Variants in GDA observed in about 807,000 individuals in gnomAD.
GDA encodes the protein guanine deaminase.
GDA carries 18 observed loss-of-function variants against 59.6 expected under a neutral mutation model. The ratio of observed to expected loss-of-function variants is 0.30; its 90% confidence interval spans 0.21 to 0.45. The LOEUF is 0.45. GDA is among the 20% of genes least tolerant of loss of function. The pLI, the probability that GDA is intolerant of heterozygous loss-of-function variation, is 1.00. For missense variants in GDA, 427 were observed against 552.3 expected (o/e 0.77, Z 2.27); for synonymous variants, 201 against 201.1 (o/e 1.00, Z 0.00).
At chr9:72,223,270 A>G in intron 7 of GDA, 43 bp downstream of exon 7, 1 of 1,017,566 alleles carries the variant, frequency 9.8e-7, no homozygotes, top group Middle Eastern at 2.1e-4. Flanking sequence ...CAGACCTGCA[A>G]GATTTCTCAG....
intron 1 of GDA, among the ~76,000 whole-genome samples, chr9:72,191,469 G>A (rs1171523083): frequency 2.0e-5 from 3 of 151,522 alleles, no homozygotes; most frequent in South Asian, 2.1e-4. Flanking sequence ...GTAAAGGGAA[G>A]GCTCTTTTTT....
chr9:72,131,008 G>A (rs1826006923), intron 1 of GDA, among the ~76,000 whole-genome samples: 1 of 152,206 alleles, frequency 6.6e-6, no homozygotes, highest in Admixed American at 6.5e-5. Context: ...TCAGGCATTT[G>A]AGAAATAAGG....
intron 1 of GDA, among the ~76,000 whole-genome samples, chr9:72,151,580 A>G (rs757164132): frequency 6.6e-6 from 1 of 151,936 alleles, no homozygotes; most frequent in Non-Finnish European, 1.5e-5. Flanking sequence ...TTGAATTATT[A>G]TGATCTGTAA....
At position 72,248,948 on chromosome 9, in the gene GDA, G is replaced by A. The variant is rs939984552; in HGVS notation, c.*606G>A. The A allele has an allele frequency of 1.0e-6, 1 of 985,156 alleles. No individual in the cohort carries two copies. Among genetic ancestry groups the A allele is most frequent in the African/African-American group, 1.7e-5 (1 of 57,230 alleles). The allele number at this position is 985,156 out of a possible 1,614,324, so 61.0% of individuals were successfully genotyped here. A position where few individuals can be genotyped will look rare whatever the true frequency, so the allele number is the denominator to read the frequency against. ...GAATTTGCATTTCAGAGATGTGTTA[G>A]TGTTGTGCTTTGCCTTCTTTGGCGA... is the stretch of plus-strand genomic sequence containing the variant. On this transcript the variant is annotated 3_prime_UTR_variant, in exon 14 of 14. Coordinates refer to ENST00000358399, the MANE Select transcript of GDA (RefSeq NM_004293.5).
At chr9:72,131,465 A>T (rs1429670839) in intron 1 of GDA, among the ~76,000 whole-genome samples, 3 of 62,402 alleles carry the variant, frequency 4.8e-5, no homozygotes, top group African/African-American at 1.5e-4. Context: ...TGAGCCATTT[A>T]TGAGCATCCA....
intron 5 of GDA, among the ~76,000 whole-genome samples, chr9:72,218,230 C>A (rs1161626552): frequency 1.3e-5 from 2 of 152,162 alleles, no homozygotes; most frequent in Admixed American, 1.3e-4. Context: ...TAATTTTATT[C>A]TGTTCAACAT....
Position 72,248,968 on chromosome 9 carries a change from T to C in GDA, c.*626T>C. The C allele has an allele frequency of 1.0e-6, 1 of 984,254 alleles. No individual in the cohort carries two copies. The highest frequency in any genetic ancestry group is 1.2e-6 in the Non-Finnish European group (1 of 828,466). The allele number at this position is 984,254 out of a possible 1,614,324, so 61.0% of individuals were successfully genotyped here. A position where few individuals can be genotyped will look rare whatever the true frequency, so the allele number is the denominator to read the frequency against. On this transcript the variant is annotated 3_prime_UTR_variant, in exon 14 of 14. Coordinates refer to ENST00000358399, the MANE Select transcript of GDA (RefSeq NM_004293.5). ...TGTTAGTGTTGTGCTTTGCCTTCTT[T>C]GGCGATGAATGTCAGAAATTGAATG... is the stretch of plus-strand genomic sequence containing the variant.
intron 1 of GDA, among the ~76,000 whole-genome samples, chr9:72,170,847 G>A (rs908776878): frequency 2.0e-5 from 3 of 151,988 alleles, no homozygotes; most frequent in Non-Finnish European, 2.9e-5. Flanking sequence ...ATAGGCCCTC[G>A]CTCTGTCACC....
rs549829430 is a variant in GDA, at chr9:72,244,245, T to C, written c.1136-903T>C. Among the ~76,000 whole-genome samples the C allele has an allele frequency of 2.0e-5, 3 of 152,188 alleles. No individual in the cohort carries two copies. The South Asian group carries it at 6.2e-4, about 32-fold the overall frequency. ...TGCACTCCAGTTAACCTTCCATGCT[T>C]CCATTTGTGACCCCAGTTTACACCT... On this transcript the variant is annotated intron_variant, in intron 11 of 13. Transcript: ENST00000358399.
At chr9:72,242,634 T>C (rs17494835) in intron 11 of GDA, among the ~76,000 whole-genome samples, 26,297 of 152,186 alleles carry the variant, frequency 0.17, 2,583 homozygotes, top group Middle Eastern at 0.29. Context: ...ATGAACACCA[T>C]AAGCACATTT....
At chr9:72,220,077 A>G (rs1836677650) in intron 6 of GDA, among the ~76,000 whole-genome samples, 3 of 152,260 alleles carry the variant, frequency 2.0e-5, no homozygotes. Flanking sequence ...GTCTATATAC[A>G]AACACAATGG....
Sources: gnomAD v4.1 joint callset for allele counts (sites outside exome capture counted in the v4.1 genomes callset) on GRCh38, gnomAD v4.1.1 for gene constraint, MANE v1.5 for transcripts, NCBI Gene and HGNC (gene_info 2026-07-23, HGNC 2026-07-21) for gene names.